Variants in SYT17 observed in about 807,000 individuals in gnomAD.
SYT17 encodes synaptotagmin-17.
A neutral mutation model predicts 46.7 loss-of-function variants in SYT17; 22 were observed. The observed-to-expected ratio is 0.47, with a 90% CI of 0.34 to 0.67. The LOEUF is 0.67. SYT17 is among the 30% of genes least tolerant of loss of function. The pLI is 0.01. For missense variants in SYT17, 519 were observed against 612.8 expected, an observed-to-expected ratio of 0.85 and a Z score of 1.62; for synonymous variants, 251 against 248.4, an observed-to-expected ratio of 1.01 and a Z score of -0.10.
chr16:19,172,651 T>TTG, intron 1 of SYT17, 109 bp from the exon 2 acceptor site: 1 of 1,509,742 alleles, frequency 6.6e-7, no homozygotes, highest in Non-Finnish European at 8.9e-7. Context: ...TTTTTTTTTG[T>TTG]AAAATTTTTT....
chr16:19,256,677 C>T (rs987352571), intron 7 of SYT17, among the ~76,000 whole-genome samples: 1 of 151,984 alleles, frequency 6.6e-6, no homozygotes, highest in African/African-American at 2.4e-5. Context: ...CTCCGGGGCT[C>T]AAGCAGTCCT....
At chr16:19,265,800 C>T (rs1253112703) in intron 7 of SYT17, among the ~76,000 whole-genome samples, 2 of 152,224 alleles carry the variant, frequency 1.3e-5, no homozygotes, top group African/African-American at 4.8e-5. Flanking sequence ...TTAACCGTCT[C>T]ATTAGGCTTG....
At chr16:19,172,874 A>G in intron 2 of SYT17, 97 bp downstream of exon 2, 1 of 1,423,616 alleles carries the variant, frequency 7.0e-7, no homozygotes, top group East Asian at 2.3e-5. Context: ...GATATTGAAT[A>G]TTCAACAATA....
chr16:19,172,505 T>C, intron 1 of SYT17: 5 of 1,489,116 alleles, frequency 3.4e-6, no homozygotes, highest in Non-Finnish European at 4.4e-6. Context: ...CAAATCGAAA[T>C]GCTAAAGTTT....
intron 5 of SYT17, among the ~76,000 whole-genome samples, chr16:19,207,135 C>T (rs771031476): frequency 1.6e-4 from 24 of 152,186 alleles, no homozygotes; most frequent in Non-Finnish European, 3.2e-4. Context: ...TCTTTGCACA[C>T]GACAGCTCCC....
At chr16:19,236,812 C>T (rs2142936357) in intron 7 of SYT17, among the ~76,000 whole-genome samples, 1 of 152,262 alleles carries the variant, frequency 6.6e-6, no homozygotes, top group African/African-American at 2.4e-5. Flanking sequence ...CCTTTGGCAT[C>T]CAGAGATTTT....
intron 7 of SYT17, among the ~76,000 whole-genome samples, chr16:19,231,225 C>T (rs1364088855): frequency 1.3e-5 from 2 of 152,084 alleles, no homozygotes; most frequent in South Asian, 2.1e-4. Flanking sequence ...CTTCTCCCTC[C>T]CTCAGTTTCC....
chr16:19,225,255 T>C (rs1420323483), intron 7 of SYT17, among the ~76,000 whole-genome samples: 1 of 152,194 alleles, frequency 6.6e-6, no homozygotes, highest in Non-Finnish European at 1.5e-5. Context: ...ATGGTGGTGA[T>C]GATTCAAGTT....
intron 5 of SYT17, among the ~76,000 whole-genome samples, chr16:19,222,664 G>C (rs1482878802): frequency 6.6e-6 from 1 of 152,166 alleles, no homozygotes; most frequent in Non-Finnish European, 1.5e-5. Context: ...TGTGGCTTTG[G>C]ACATGTTATT....
intron 5 of SYT17, among the ~76,000 whole-genome samples, chr16:19,189,506 A>G (rs1964930186): frequency 6.6e-6 from 1 of 152,088 alleles, no homozygotes; most frequent in Non-Finnish European, 1.5e-5. Flanking sequence ...GTACACCAAC[A>G]TGCTCAGATA....
rs535752027 is a variant in SYT17, at chr16:19,184,416, C to T, written c.951+269C>T. ...CAGTAGTTTTTTTTTTTTTTTGAGACGCTCTGTCACCCAGGCTGGAGCGCC... is the reference window on the plus strand; with the variant it reads ...CAGTAGTTTTTTTTTTTTTTTGAGATGCTCTGTCACCCAGGCTGGAGCGCC... On this transcript the variant is annotated intron_variant, in intron 5 of 7. Coordinates refer to ENST00000355377, the MANE Select transcript of SYT17 (RefSeq NM_016524.4). Among the ~76,000 whole-genome samples the T allele has an allele frequency of 1.5e-4, 22 of 148,882 alleles. No individual in the cohort carries two copies. The East Asian group carries it at 2.8e-3, about 19-fold the overall frequency.
chr16:19,199,263 G>GT (rs777007535), intron 5 of SYT17, among the ~76,000 whole-genome samples: 28 of 151,794 alleles, frequency 1.8e-4, no homozygotes, highest in South Asian at 4.2e-4. Context: ...ACTCAAGCCT[G>GT]TGAGGTATGG....
intron 7 of SYT17, among the ~76,000 whole-genome samples, chr16:19,236,511 A>G (rs1253557482): frequency 1.3e-5 from 2 of 152,124 alleles, no homozygotes; most frequent in Non-Finnish European, 2.9e-5. Flanking sequence ...CTCCCTTCAG[A>G]CCAGTTGGTT....
intron 5 of SYT17, among the ~76,000 whole-genome samples, chr16:19,192,395 T>C (rs1292911177): frequency 6.6e-6 from 1 of 151,872 alleles, no homozygotes; most frequent in Non-Finnish European, 1.5e-5. Context: ...CACTCCAGTC[T>C]GGACAGCAGA....
intron 7 of SYT17, among the ~76,000 whole-genome samples, chr16:19,244,785 G>A (rs1230719637): frequency 6.6e-6 from 1 of 152,208 alleles, no homozygotes; most frequent in Non-Finnish European, 1.5e-5. Flanking sequence ...GCTGGTGGTT[G>A]GGGAGGAAAG....
Position 19,168,311 on chromosome 16 carries a change from G to A in SYT17, c.-336G>A. 1 of 383,100 alleles carries A rather than the reference G, an allele frequency of 2.6e-6. No individual in the cohort carries two copies. The highest frequency in any genetic ancestry group is 4.7e-6 in the Non-Finnish European group (1 of 213,350). The allele number at this position is 383,100 out of a possible 1,614,324, so 23.7% of individuals were successfully genotyped here. On this transcript the variant is annotated 5_prime_UTR_variant, in exon 1 of 8. Coordinates refer to ENST00000355377, the MANE Select transcript of SYT17 (RefSeq NM_016524.4). The surrounding 1 kb of genome is among the most constrained non-coding windows in gnomAD (Gnocchi z 6.9). ...GCAGTCCCCGCAGCTGCCCCGGGCTGCTTGCCCAGGCGCCCCGGCCTTATT... is the reference window on the plus strand; with the variant it reads ...GCAGTCCCCGCAGCTGCCCCGGGCTACTTGCCCAGGCGCCCCGGCCTTATT...
intron 1 of SYT17, chr16:19,172,350 G>T (rs978297665): frequency 7.2e-7 from 1 of 1,382,584 alleles, no homozygotes; most frequent in Non-Finnish European, 9.3e-7. Flanking sequence ...GTGCCTGCCT[G>T]CATGTTAGCT....
chr16:19,200,428 TCA>T (rs1965416465), intron 5 of SYT17, among the ~76,000 whole-genome samples: 2 of 152,242 alleles, frequency 1.3e-5, no homozygotes, highest in Non-Finnish European at 2.9e-5. Context: ...AATTTTACAT[TCA>T]TTTTTCACAC....
chr16:19,219,588 A>C (rs968236533), intron 5 of SYT17, among the ~76,000 whole-genome samples: 2 of 152,106 alleles, frequency 1.3e-5, no homozygotes, highest in Non-Finnish European at 2.9e-5. Flanking sequence ...CTGTTTGTTG[A>C]TTTTTGGCAA....
Sources: allele counts gnomAD v4.1 joint callset (sites outside exome capture counted in the v4.1 genomes callset), GRCh38; gene constraint gnomAD v4.1.1; non-coding constraint Gnocchi (gnomAD v3.1); transcripts MANE v1.5; gene names NCBI Gene and HGNC (gene_info 2026-07-23, HGNC 2026-07-21).